COBLL1: variants seen among roughly 807,000 people sequenced by gnomAD.
COBLL1 encodes cordon-bleu WH2 repeat protein like 1.
A neutral mutation model predicts 94.8 loss-of-function variants in COBLL1; 50 were observed. The observed-to-expected ratio is 0.53, with a 90% CI of 0.42 to 0.67. The LOEUF (loss-of-function observed/expected upper bound fraction) is 0.67, where lower values mean the gene tolerates loss of function less well. Among genes scored for constraint, COBLL1 ranks in the 30% least tolerant of loss-of-function variants. The pLI, the probability that COBLL1 is intolerant of heterozygous loss-of-function variation, is 0.00. For missense variants in COBLL1, 1,362 were observed against 1,348.7 expected (o/e 1.01, Z -0.15); for synonymous variants, 448 against 473.8 (o/e 0.95, Z 0.71).
chr2:164,682,441 T>C lies in COBLL1; in HGVS notation c.*3505A>G, dbSNP rs1296386936. ...TTAGACACATACATAATTGTATCAATTGGGACGCTTTGGGTTTTAAGCACC... is the reference window on the plus strand; with the variant it reads ...TTAGACACATACATAATTGTATCAACTGGGACGCTTTGGGTTTTAAGCACC... On this transcript the variant is annotated 3_prime_UTR_variant, in exon 14 of 14. Coordinates refer to ENST00000652658, the MANE Select transcript of COBLL1 (RefSeq NM_001365672.2). 3 of 152,212 alleles carry C rather than the reference T, an allele frequency of 2.0e-5. No individual in the cohort carries two copies. In the East Asian group the frequency reaches 5.8e-4, roughly 29 times the overall value. The allele number at this position is 152,212 out of a possible 1,614,324, so 9.4% of individuals were successfully genotyped here.
chr2:164,788,214 T>G (rs1259924426), intron 2 of COBLL1, among the ~76,000 whole-genome samples: 4 of 152,224 alleles, frequency 2.6e-5, no homozygotes, highest in Non-Finnish European at 5.9e-5. Flanking sequence ...GCAACTGCTT[T>G]GGCCACTCGG....
At chr2:164,747,500 T>C (rs1197004528) in intron 2 of COBLL1, among the ~76,000 whole-genome samples, 1 of 152,176 alleles carries the variant, frequency 6.6e-6, no homozygotes, top group African/African-American at 2.4e-5. Context: ...AACTTTTTTT[T>C]TAAGACAGGG....
At chr2:164,664,234 T>C (rs1255185268) in intron 2 of COBLL1, among the ~76,000 whole-genome samples, 2 of 152,214 alleles carry the variant, frequency 1.3e-5, no homozygotes, top group African/African-American at 2.4e-5. Flanking sequence ...ATGGTTAAAG[T>C]ATAGATAAGC....
intron 2 of COBLL1, among the ~76,000 whole-genome samples, chr2:164,818,632 A>G (rs1034122552): frequency 1.4e-5 from 2 of 142,196 alleles, no homozygotes; most frequent in Admixed American, 1.5e-4. Context: ...TATATGGCGT[A>G]TATGTACATA....
Position 164,685,980 on chromosome 2 carries a change from T to G in COBLL1, c.3353A>C (p.His1118Pro). 1 of 1,610,758 alleles carries G rather than the reference T, an allele frequency of 6.2e-7. No individual in the cohort carries two copies. Among genetic ancestry groups the G allele is most frequent in the Non-Finnish European group, 8.5e-7 (1 of 1,177,724 alleles). Residue 1118 changes from histidine (H) to proline (P), a missense_variant, in exon 14 of 14, where the codon CAT becomes CCT. By Grantham distance (77) the His-to-Pro change is moderately conservative. Transcript: ENST00000652658. Reference protein sequence around the residue: ...ISVNGRSRLSHSMSPDAQDGH With the variant: ...ISVNGRSRLSPSMSPDAQDGH Reference sequence around the variant, plus strand: ...GTCCTGGGCATCAGGGGACATGGAATGGCTGAGTCTTGACCTTCCATTCAC... The same window carrying G: ...GTCCTGGGCATCAGGGGACATGGAAGGGCTGAGTCTTGACCTTCCATTCAC...
At position 164,704,494 on chromosome 2, in the gene COBLL1, G is replaced by A; in HGVS notation, c.1175C>T (p.Pro392Leu). The change falls in exon 9 of 14, where the codon CCT becomes CTT. Residue 392 changes from proline (P) to leucine (L), a missense_variant. Coordinates refer to ENST00000652658, the MANE Select transcript of COBLL1 (RefSeq NM_001365672.2). ...VTALQPVDGV[P>L]PDSASEANSP... ...GTTTGCTTCTGAAGCACTGTCTGGA[G>A]GAACTCCATCTACTGGCTGTAAGGC... is the stretch of plus-strand genomic sequence containing the variant. 3 of 1,613,608 alleles carry A rather than the reference G, an allele frequency of 1.9e-6. No individual in the cohort carries two copies. The highest frequency in any genetic ancestry group is 1.3e-5 in the African/African-American group (1 of 75,030).
At chr2:164,773,308 T>C (rs899299409) in intron 2 of COBLL1, among the ~76,000 whole-genome samples, 7 of 152,072 alleles carry the variant, frequency 4.6e-5, no homozygotes, top group African/African-American at 1.7e-4. Context: ...GAATTTACCA[T>C]AATTTGAAAG....
At chr2:164,789,653 G>T (rs890734164) in intron 2 of COBLL1, among the ~76,000 whole-genome samples, 1 of 152,114 alleles carries the variant, frequency 6.6e-6, no homozygotes, top group Admixed American at 6.5e-5. Flanking sequence ...TTTCTATTCA[G>T]ATTTAGAATA....
At chr2:164,824,039 A>G (rs1685311778) in intron 2 of COBLL1, among the ~76,000 whole-genome samples, 1 of 152,192 alleles carries the variant, frequency 6.6e-6, no homozygotes, top group South Asian at 2.1e-4. Context: ...AATCCTGAAG[A>G]AAAAGGAATA....
intron 9 of COBLL1, among the ~76,000 whole-genome samples, chr2:164,702,315 G>A (rs958177126): frequency 3.3e-5 from 5 of 152,028 alleles, no homozygotes; most frequent in East Asian, 1.9e-4. Flanking sequence ...TGTAATCCCA[G>A]CACTTTGGGA....
At chr2:164,748,887 C>T (rs2105578604) in intron 2 of COBLL1, among the ~76,000 whole-genome samples, 1 of 152,216 alleles carries the variant, frequency 6.6e-6, no homozygotes, top group East Asian at 1.9e-4. Flanking sequence ...CAATATTATA[C>T]TCAATTTTAA....
chr2:164,839,298 A>C (rs1683470681), intron 2 of COBLL1, among the ~76,000 whole-genome samples: 1 of 152,176 alleles, frequency 6.6e-6, no homozygotes, highest in African/African-American at 2.4e-5. Flanking sequence ...TTAACCTTTA[A>C]ATTCTCAAAA....
chr2:164,687,007 T>TA (rs1172851813), intron 13 of COBLL1, among the ~76,000 whole-genome samples: 4 of 152,174 alleles, frequency 2.6e-5, no homozygotes, highest in Non-Finnish European at 5.9e-5. Context: ...TTTTACTAAA[T>TA]AAAGATTGGT....
chr2:164,743,818 G>C lies in COBLL1; in HGVS notation c.99C>G (p.Val33=), dbSNP rs145175695. Residue 33 remains valine, a synonymous_variant, in exon 3 of 14, where the codon GTC becomes GTG. Coordinates refer to ENST00000652658, the MANE Select transcript of COBLL1 (RefSeq NM_001365672.2). ...LPPAETKYTD[V]SSAADSVEST... ...ATTCTACAGAATCAGCAGCTGAAGA[G>C]ACATCAGTATATTTGGTCTCAGCTG... 3.7e-4 allele frequency: 602 copies of C among 1,612,986 alleles called. No homozygotes were observed. The highest frequency in any genetic ancestry group is 5.0e-4 in the Non-Finnish European group (591 of 1,179,444).
At chr2:164,801,794 A>C (rs534192854) in intron 2 of COBLL1, among the ~76,000 whole-genome samples, 1 of 152,312 alleles carries the variant, frequency 6.6e-6, no homozygotes, top group Non-Finnish European at 1.5e-5. Context: ...TGACAGGAGA[A>C]AGAAATCACA....
chr2:164,661,090 A>G (rs1235057959), intron 2 of COBLL1, among the ~76,000 whole-genome samples: 1 of 152,168 alleles, frequency 6.6e-6, no homozygotes, highest in South Asian at 2.1e-4. Context: ...AATATTCTTT[A>G]TAATAAAAGT....
At chr2:164,800,358 A>G (rs991219673) in intron 2 of COBLL1, among the ~76,000 whole-genome samples, 9 of 152,196 alleles carry the variant, frequency 5.9e-5, no homozygotes, top group African/African-American at 2.2e-4. Context: ...AATGTAGATT[A>G]AGAACAAAAT....
intron 7 of COBLL1, chr2:164,718,381 C>T (rs556310742): frequency 1.8e-4 from 51 of 290,552 alleles, no homozygotes; most frequent in African/African-American, 9.3e-4. Flanking sequence ...TTCAATCCTT[C>T]GAAAAGGGAA....
At position 164,682,566 on chromosome 2, in the gene COBLL1, C is replaced by T. The variant is rs1038757709; in HGVS notation, c.*3380G>A. On this transcript the variant is annotated 3_prime_UTR_variant, in exon 14 of 14. Transcript: ENST00000652658. ...TGTTGCCAGTGCCTAGTGGCCAAGG[C>T]CAGATCTGGCAGTTCATGAAGAGGT... 2.0e-5 allele frequency: 3 copies of T among 152,070 alleles called. No individual in the cohort carries two copies. The highest frequency in any genetic ancestry group is 4.4e-5 in the Non-Finnish European group (3 of 68,006). 9.4% of individuals were successfully genotyped at this position (152,070 alleles called of 1,614,324 possible). A position where few individuals can be genotyped will look rare whatever the true frequency, so the allele number is the denominator to read the frequency against.
Sources: gnomAD v4.1 joint callset for allele counts (sites outside exome capture counted in the v4.1 genomes callset) on GRCh38, gnomAD v4.1.1 for gene constraint, MANE v1.5 for transcripts, NCBI Gene and HGNC (gene_info 2026-07-23, HGNC 2026-07-21) for gene names.